Variants in RTKN2 observed in about 807,000 individuals in gnomAD.
RTKN2 encodes rhotekin-2.
A neutral mutation model predicts 71.5 loss-of-function variants in RTKN2; 69 were observed. That is an observed-to-expected ratio of 0.96 (90% CI 0.79 to 1.18). The LOEUF is 1.18. Among genes scored for constraint, RTKN2 ranks in the 50% most tolerant of loss-of-function variants. The probability of loss-of-function intolerance (pLI) is 0.00; values close to 1 mark genes in which losing one functional copy is unlikely to be tolerated. For synonymous variants in RTKN2, 236 were observed against 236.5 expected (o/e 1.00, Z 0.02); for missense variants, 724 against 719.7 (o/e 1.01, Z -0.07).
rs1430058762 is a variant in RTKN2, at chr10:62,197,563, T to TC, written c.*344_*345insG. Reference sequence around the variant, plus strand: ...TGGTTCATATTTAACACATTTTAAATTACTAGACAGTCTCTCCCCAAAAGA... The same window carrying TC: ...TGGTTCATATTTAACACATTTTAAATCTACTAGACAGTCTCTCCCCAAAAGA... On this transcript the variant is annotated 3_prime_UTR_variant, in exon 12 of 12. Transcript: ENST00000373789. The TC allele has an allele frequency of 9.8e-7, 1 of 1,022,264 alleles. No homozygotes were observed. Among genetic ancestry groups the TC allele is most frequent in the Non-Finnish European group, 1.2e-6 (1 of 853,312 alleles). 63.3% of individuals were successfully genotyped at this position (1,022,264 alleles called of 1,614,324 possible).
Position 62,199,827 on chromosome 10 carries a change from T to C in RTKN2, c.1221A>G (p.Lys407=). ...QWKHCCEELM[K]IEIMSPRKPP... is the part of the protein sequence containing the mutation. ...GTTTCCGTGGTGACATAATCTCAAT[T>C]TTCATAAGTTCTTCACAACAGTGCT... Residue 407 remains lysine, a synonymous_variant, in exon 11 of 12, where the codon AAA becomes AAG. Coordinates refer to ENST00000373789, the MANE Select transcript of RTKN2 (RefSeq NM_145307.4). 6.2e-7 allele frequency: 1 copy of C among 1,613,548 alleles called. No homozygotes were observed. The highest frequency in any genetic ancestry group is 8.5e-7 in the Non-Finnish European group (1 of 1,179,622).
At position 62,197,810 on chromosome 10, in the gene RTKN2, AC is replaced by A; in HGVS notation, c.*97del. 2 of 1,438,270 alleles carry A rather than the reference AC, an allele frequency of 1.4e-6. No homozygotes were observed. Among genetic ancestry groups the A allele is most frequent in the Non-Finnish European group, 1.8e-6 (2 of 1,091,052 alleles). The allele number at this position is 1,438,270 out of a possible 1,614,324, so 89.1% of individuals were successfully genotyped here. ...AGCTTATTAATTATTGGTATAAATC[AC>A]TATATTTACCTATATAATTACACAT... On this transcript the variant is annotated 3_prime_UTR_variant, in exon 12 of 12. Transcript: ENST00000373789.
In RTKN2 at chr10:62,268,658, T is replaced by G. The variant is rs1449971893; in HGVS notation, c.-48A>C. Reference sequence around the variant, plus strand: ...CGTCGCCACTCCTTCAAAGGGAAGATTTGAAAAGCCCGCCCCTGGCAGGAG... The same window carrying G: ...CGTCGCCACTCCTTCAAAGGGAAGAGTTGAAAAGCCCGCCCCTGGCAGGAG... On this transcript the variant is annotated 5_prime_UTR_variant, in exon 1 of 12. Transcript: ENST00000373789. 3.3e-6 allele frequency: 5 copies of G among 1,535,464 alleles called. No homozygotes were observed. In the Admixed American group the frequency reaches 1.0e-4, roughly 31 times the overall value.
chr10:62,243,351 T>C (rs1842418643), intron 3 of RTKN2, among the ~76,000 whole-genome samples: 1 of 152,142 alleles, frequency 6.6e-6, no homozygotes, highest in Non-Finnish European at 1.5e-5. Flanking sequence ...TGTTTTGTAA[T>C]TATGACTTGG....
At chr10:62,209,754 T>G (rs1463079361) in intron 9 of RTKN2, among the ~76,000 whole-genome samples, 1 of 152,118 alleles carries the variant, frequency 6.6e-6, no homozygotes, top group Non-Finnish European at 1.5e-5. Flanking sequence ...CTAAGGATAA[T>G]GTCCTCCAGC....
In RTKN2 at chr10:62,197,664, A is replaced by T. The variant is rs1031719403; in HGVS notation, c.*244T>A. ...TCAGGAATAAATTAACCCTTCCAAC[A>T]ATTAGGATATTGTCTAGAAACTGCC... is the stretch of plus-strand genomic sequence containing the variant. On this transcript the variant is annotated 3_prime_UTR_variant, in exon 12 of 12. Coordinates refer to ENST00000373789, the MANE Select transcript of RTKN2 (RefSeq NM_145307.4). 1 of 1,296,292 alleles carries T rather than the reference A, an allele frequency of 7.7e-7. No homozygotes were observed. Among genetic ancestry groups the T allele is most frequent in the Non-Finnish European group, 9.8e-7 (1 of 1,024,158 alleles). 80.3% of individuals were successfully genotyped at this position (1,296,292 alleles called of 1,614,324 possible).
In RTKN2 at chr10:62,262,660, T is replaced by C. The variant is rs779396436; in HGVS notation, c.222A>G (p.Lys74=). Residue 74 remains lysine (K), a synonymous_variant, in exon 2 of 12, where the codon AAA becomes AAG. Transcript: ENST00000373789. The stretch of plus-strand genomic sequence containing the variant: ...TCTGATTTGCAATCTGTTCTTCTAA[T>C]TTCTGTAGCTCCGATGTATAGGCCA... The part of the protein sequence containing the change: ...RLMAYTSELQ[K]LEEQIANQTG... 6.2e-6 allele frequency: 10 copies of C among 1,609,966 alleles called. No individual in the cohort carries two copies. The African/African-American group carries it at 1.1e-4, about 17-fold the overall frequency.
At chr10:62,249,423 T>C (rs1239039016) in intron 2 of RTKN2, among the ~76,000 whole-genome samples, 3 of 149,644 alleles carry the variant, frequency 2.0e-5, no homozygotes, top group Non-Finnish European at 3.0e-5. Context: ...AGATGGAGGA[T>C]ATTGCTGAAA....
intron 9 of RTKN2, among the ~76,000 whole-genome samples, chr10:62,211,134 T>C (rs937736178): frequency 6.6e-6 from 1 of 152,176 alleles, no homozygotes; most frequent in Non-Finnish European, 1.5e-5. Flanking sequence ...CCTCACCATA[T>C]TGACAATGGA....
intron 2 of RTKN2, among the ~76,000 whole-genome samples, chr10:62,256,903 C>A (rs1842686393): frequency 6.6e-6 from 1 of 151,738 alleles, no homozygotes; most frequent in Admixed American, 6.6e-5. Flanking sequence ...ACATGATGAA[C>A]AGACACTTAG....
intron 10 of RTKN2, among the ~76,000 whole-genome samples, chr10:62,202,963 C>G (rs1390383889): frequency 6.6e-6 from 1 of 152,080 alleles, no homozygotes; most frequent in African/African-American, 2.4e-5. Flanking sequence ...GAGTTTGAGA[C>G]CAGCCTGACC....
chr10:62,214,188 T>A (rs1487582639), intron 9 of RTKN2, among the ~76,000 whole-genome samples: 2 of 151,734 alleles, frequency 1.3e-5, no homozygotes, highest in African/African-American at 4.8e-5. Flanking sequence ...TTATTTATAT[T>A]CTATAATAAT....
At chr10:62,217,429 C>T (rs1841797722) in intron 8 of RTKN2, among the ~76,000 whole-genome samples, 180 bp from the exon 9 acceptor site, 1 of 152,006 alleles carries the variant, frequency 6.6e-6, no homozygotes, top group African/African-American at 2.4e-5. Flanking sequence ...ATGTTAATAT[C>T]AGAGAAGAAA....
At chr10:62,268,494 G>T in intron 1 of RTKN2, 57 bp downstream of exon 1, 3 of 1,489,914 alleles carry the variant, frequency 2.0e-6, no homozygotes, top group South Asian at 1.2e-5. Flanking sequence ...GCAAATGCGC[G>T]AGGAACAGAA....
At chr10:62,184,107 T>G in exon 9 of RTKN2, 1 of 453,854 alleles carries the variant, frequency 2.2e-6, no homozygotes, top group East Asian at 3.6e-5. Flanking sequence ...AAACACTGAA[T>G]GGAAAATAAA....
At chr10:62,259,940 C>G (rs553215715) in intron 2 of RTKN2, among the ~76,000 whole-genome samples, 1 of 152,286 alleles carries the variant, frequency 6.6e-6, no homozygotes, top group South Asian at 2.1e-4. Context: ...GATCCAAACC[C>G]AATTGTTCTA....
At chr10:62,202,053 A>AT in intron 10 of RTKN2, among the ~76,000 whole-genome samples, 1 of 149,102 alleles carries the variant, frequency 6.7e-6, no homozygotes. Flanking sequence ...ATTGTTAAAT[A>AT]TTTTTTAAAA....
intron 4 of RTKN2, among the ~76,000 whole-genome samples, 199 bp from the exon 5 acceptor site, chr10:62,239,964 G>A (rs1342370554): frequency 6.6e-6 from 1 of 151,894 alleles, no homozygotes; most frequent in Non-Finnish European, 1.5e-5. Context: ...ATTAAACAAG[G>A]AAGCAAAAAA....
intron 3 of RTKN2, among the ~76,000 whole-genome samples, chr10:62,243,052 A>G (rs1842411214): frequency 6.6e-6 from 1 of 151,888 alleles, no homozygotes; most frequent in Non-Finnish European, 1.5e-5. Flanking sequence ...TTACATATGT[A>G]TACATGTGCC....
Sources: allele counts gnomAD v4.1 joint callset (sites outside exome capture counted in the v4.1 genomes callset), GRCh38; gene constraint gnomAD v4.1.1; transcripts MANE v1.5; gene names NCBI Gene and HGNC (gene_info 2026-07-23, HGNC 2026-07-21).